ASXL3: variants seen among roughly 807,000 people sequenced by gnomAD.
ASXL3 encodes the protein ASXL transcriptional regulator 3.
A neutral mutation model predicts 170.6 loss-of-function variants in ASXL3; 34 were observed. The observed-to-expected ratio is 0.20, with a 90% CI of 0.15 to 0.27. The LOEUF is 0.27. ASXL3 is among the 10% of genes least tolerant of loss of function. The probability of loss-of-function intolerance (pLI) is 1.00; values close to 1 mark genes in which losing one functional copy is unlikely to be tolerated. For missense variants in ASXL3, 2,592 were observed against 2,695.3 expected, an observed-to-expected ratio of 0.96 and a Z score of 0.85; for synonymous variants, 1,002 against 989.1, an observed-to-expected ratio of 1.01 and a Z score of -0.24.
In ASXL3 at chr18:33,747,762, T is replaced by C. The variant is rs1315974952; in HGVS notation, c.*1167T>C. The C allele has an allele frequency of 2.6e-5, 4 of 152,256 alleles. No homozygotes were observed. The highest frequency in any genetic ancestry group is 5.9e-5 in the Non-Finnish European group (4 of 68,048). 9.4% of individuals were successfully genotyped at this position (152,256 alleles called of 1,614,324 possible). A position where few individuals can be genotyped will look rare whatever the true frequency, so the allele number is the denominator to read the frequency against. ...ATTTTGAAAAAAACTGTTCTAGGTATGGCATGTTTTGTTTTTTCCCTCAGG... is the reference window on the plus strand; with the variant it reads ...ATTTTGAAAAAAACTGTTCTAGGTACGGCATGTTTTGTTTTTTCCCTCAGG... On this transcript the variant is annotated 3_prime_UTR_variant, in exon 12 of 12. Transcript: ENST00000269197.
chr18:33,586,423 T>C (rs746211238), intron 1 of ASXL3, among the ~76,000 whole-genome samples: 29 of 152,250 alleles, frequency 1.9e-4, no homozygotes, highest in Non-Finnish European at 3.7e-4. Flanking sequence ...TAAAGTATTA[T>C]GTCTTCAAAA....
Position 33,746,373 on chromosome 18 carries a change from T to A in ASXL3, c.6525T>A (p.Ile2175=). 6.2e-7 allele frequency: 1 copy of A among 1,613,880 alleles called. No homozygotes were observed. The highest frequency in any genetic ancestry group is 8.5e-7 in the Non-Finnish European group (1 of 1,179,780). The change falls in exon 12 of 12, where the codon ATT becomes ATA. Residue 2175 remains isoleucine, a synonymous_variant. Coordinates refer to ENST00000269197, the MANE Select transcript of ASXL3 (RefSeq NM_030632.3). ...CAGCATCTGCAATTGAAAAGTCCAT[T>A]GGGATTTTGGGAAGTGGCTCCAATC... is the stretch of plus-strand genomic sequence containing the variant. ...KRAASAIEKS[I]GILGSGSNPA... is the part of the protein sequence containing the mutation.
At chr18:33,671,901 T>C in intron 7 of ASXL3, 35 bp downstream of exon 7, 2 of 1,450,608 alleles carry the variant, frequency 1.4e-6, no homozygotes, top group Non-Finnish European at 1.8e-6. Context: ...TTTCACATTT[T>C]AGAAATTTGT....
At chr18:33,603,746 G>A (rs1308758734) in intron 1 of ASXL3, among the ~76,000 whole-genome samples, 1 of 151,972 alleles carries the variant, frequency 6.6e-6, no homozygotes, top group Non-Finnish European at 1.5e-5. Context: ...GAAAGTAGCT[G>A]GGAATTGAAA....
chr18:33,613,557 T>A (rs2065372072), intron 2 of ASXL3, among the ~76,000 whole-genome samples: 1 of 152,112 alleles, frequency 6.6e-6, no homozygotes, highest in Non-Finnish European at 1.5e-5. Flanking sequence ...AAGTCGTATT[T>A]GTATACTGTA....
chr18:33,601,796 G>T (rs1161053643), intron 1 of ASXL3, among the ~76,000 whole-genome samples: 212 of 56,838 alleles, frequency 3.7e-3, no homozygotes, highest in Middle Eastern at 8.6e-3. Flanking sequence ...TATATATATA[G>T]TTTGTTTGTT....
At position 33,739,001 on chromosome 18, in the gene ASXL3, G is replaced by A; in HGVS notation, c.1597G>A (p.Val533Ile). Residue 533 changes from valine to isoleucine, a missense_variant, in exon 11 of 12, where the codon GTT (valine) becomes ATT (isoleucine). By Grantham distance (29) the Val-to-Ile change is conservative. This residue lies in a region of ASXL3 where 2,246 missense variants were observed against 2,219.6 expected (regional missense o/e 1.01). Transcript: ENST00000269197. ...ATCACCCCAGGAAGAAATGACAGTT[G>A]TTATCGATCAGTTAGAAGTCTGTGA... ...SESPQEEMTVVIDQLEVCDSL... is the reference protein window; with the variant it reads ...SESPQEEMTVIIDQLEVCDSL... 1 of 1,613,716 alleles carries A rather than the reference G, an allele frequency of 6.2e-7. No individual in the cohort carries two copies. The highest frequency in any genetic ancestry group is 8.5e-7 in the Non-Finnish European group (1 of 1,179,786).
chr18:33,705,011 G>A (rs2066934540), intron 8 of ASXL3, among the ~76,000 whole-genome samples: 2 of 151,738 alleles, frequency 1.3e-5, no homozygotes, highest in Admixed American at 6.6e-5. Context: ...GGAAAGGAAA[G>A]AAGCCAAGAA....
chr18:33,746,669 A>G lies in ASXL3; in HGVS notation c.*74A>G. 1.3e-6 allele frequency: 2 copies of G among 1,491,220 alleles called. No individual in the cohort carries two copies. The highest frequency in any genetic ancestry group is 8.9e-7 in the Non-Finnish European group (1 of 1,127,482). The allele number at this position is 1,491,220 out of a possible 1,614,324, so 92.4% of individuals were successfully genotyped here. On this transcript the variant is annotated 3_prime_UTR_variant, in exon 12 of 12. Transcript: ENST00000269197. ...TAGCATCAGCAACAACAAATAGAAT[A>G]ATGCAGTGGTTTCTATCATGCTAAT...
chr18:33,633,333 T>G (rs907176927), intron 2 of ASXL3, among the ~76,000 whole-genome samples: 1 of 152,194 alleles, frequency 6.6e-6, no homozygotes, highest in African/African-American at 2.4e-5. Flanking sequence ...AAATGCAAAC[T>G]AAGTGTTCTG....
chr18:33,636,423 G>C (rs2145183343), intron 2 of ASXL3, among the ~76,000 whole-genome samples: 1 of 152,264 alleles, frequency 6.6e-6, no homozygotes, highest in South Asian at 2.1e-4. Flanking sequence ...CAGTGTTTCT[G>C]TTGTTGTTTT....
rs1379702846 is a variant in ASXL3, at chr18:33,655,831, G to A, written c.356-5785G>A. On this transcript the variant is annotated intron_variant, in intron 4 of 11. Coordinates refer to ENST00000269197, the MANE Select transcript of ASXL3 (RefSeq NM_030632.3). Reference sequence around the variant, plus strand: ...AACTGTTGTGTTTATTTGCCATTTGGGGATACTTCTGAATTGTCTGCTTGT... The same window carrying A: ...AACTGTTGTGTTTATTTGCCATTTGAGGATACTTCTGAATTGTCTGCTTGT... 5.9e-5 allele frequency among the ~76,000 whole-genome samples: 9 copies of A among 152,054 alleles called. 1 individual carries two copies. The East Asian group carries it at 1.4e-3, about 23-fold the overall frequency.
At chr18:33,710,096 C>A (rs4799354) in intron 8 of ASXL3, among the ~76,000 whole-genome samples, 107,188 of 152,018 alleles carry the variant, frequency 0.71, 39,447 homozygotes, top group East Asian at 0.98. Context: ...ACTCTACTAA[C>A]AATACAAAAA....
intron 4 of ASXL3, among the ~76,000 whole-genome samples, chr18:33,646,965 C>T (rs529056971): frequency 1.2e-4 from 17 of 147,752 alleles, no homozygotes; most frequent in South Asian, 6.5e-4. Context: ...GTGATCCTTT[C>T]GGTGTATGTA....
chr18:33,743,159 A>G lies in ASXL3; in HGVS notation c.3311A>G (p.Glu1104Gly). 6.2e-7 allele frequency: 1 copy of G among 1,613,952 alleles called. No individual in the cohort carries two copies. Among genetic ancestry groups the G allele is most frequent in the African/African-American group, 1.3e-5 (1 of 75,044 alleles). ...ACGAGAACTCTGGCACACATCAAAG[A>G]GCAGACAAAGGCTAAGCTCTTTGCA... ...GKTRTLAHIK[E>G]QTKAKLFAKH... Residue 1104 changes from glutamate to glycine, a missense_variant, in exon 12 of 12, where the codon GAG becomes GGG. By Grantham distance (98) the Glu-to-Gly change is moderately conservative (BLOSUM62 -2). Transcript: ENST00000269197.
At chr18:33,703,034 G>A (rs2066902279) in intron 8 of ASXL3, among the ~76,000 whole-genome samples, 1 of 152,020 alleles carries the variant, frequency 6.6e-6, no homozygotes, top group Non-Finnish European at 1.5e-5. Context: ...GTATTTTTTA[G>A]GCCAGTTTTT....
At chr18:33,627,089 C>T (rs893947226) in intron 2 of ASXL3, 4 of 152,508 alleles carry the variant, frequency 2.6e-5, no homozygotes, top group African/African-American at 7.2e-5. Context: ...CAGCTAGTGA[C>T]GTTGGGTGAA....
chr18:33,734,476 C>T (rs1286316018), intron 10 of ASXL3, 61 bp downstream of exon 10: 14 of 1,079,926 alleles, frequency 1.3e-5, no homozygotes, highest in African/African-American at 6.4e-5. Context: ...TAATTCTCTG[C>T]TTCACATAGC....
At chr18:33,677,145 G>A (rs565507849) in intron 7 of ASXL3, among the ~76,000 whole-genome samples, 56 of 152,096 alleles carry the variant, frequency 3.7e-4, no homozygotes, top group African/African-American at 1.3e-3. Context: ...TTAACTTCTG[G>A]GATTCATTCC....
Sources: gnomAD v4.1 joint callset for allele counts (sites outside exome capture counted in the v4.1 genomes callset) on GRCh38, gnomAD v4.1.1 for gene constraint, gnomAD v4.1.1 regional missense constraint, MANE v1.5 for transcripts, NCBI Gene and HGNC (gene_info 2026-07-23, HGNC 2026-07-21) for gene names.